KCNJ15: variants seen among roughly 807,000 people sequenced by gnomAD.
KCNJ15 encodes the protein potassium inwardly rectifying channel subfamily J member 15.
In KCNJ15, 14 loss-of-function variants were observed where a neutral mutation model predicts 23.0. The observed-to-expected ratio is 0.61, with a 90% CI of 0.40 to 0.95. KCNJ15 has a LOEUF of 0.95. Among genes scored for constraint, KCNJ15 ranks in the 40% least tolerant of loss-of-function variants. The pLI is 0.00. For missense variants in KCNJ15, 388 were observed against 461.8 expected (o/e 0.84, Z 1.46); for synonymous variants, 185 against 183.2 (o/e 1.01, Z -0.08).
At chr21:38,253,191 C>A (rs1391246308), upstream of KCNJ15, among the ~76,000 whole-genome samples, 1 of 152,226 alleles carries the variant, frequency 6.6e-6, no homozygotes, top group Non-Finnish European at 1.5e-5. Flanking sequence ...CCCCACACCA[C>A]TTTGGGTTCC....
rs1216303721 is a variant in KCNJ15 at position 38,288,039 on chromosome 21, T to G, written c.-116-8887T>G. Among the ~76,000 whole-genome samples, 93 of 83,452 alleles carry G rather than the reference T, an allele frequency of 1.1e-3. 1 individual carries two copies. The highest frequency in any genetic ancestry group is 3.5e-3 in the African/African-American group (87 of 24,722). 54.7% of individuals were successfully genotyped at this position (83,452 alleles called of 152,430 possible). A position where few individuals can be genotyped will look rare whatever the true frequency, so the allele number is the denominator to read the frequency against. On this transcript the variant is annotated intron_variant, in intron 1 of 2. Coordinates refer to ENST00000398938, the MANE Select transcript of KCNJ15 (RefSeq NM_170736.3). ...ACTTGTTTTTTTCTTTGTTTTTTTTTTTTTTTTTTTTTTTTTTTTGAGATG... is the reference window on the plus strand; with the variant it reads ...ACTTGTTTTTTTCTTTGTTTTTTTTGTTTTTTTTTTTTTTTTTTTGAGATG...
chr21:38,303,174 C>A lies in KCNJ15; in HGVS notation c.*2785C>A, dbSNP rs551456988. 1.3e-5 allele frequency: 2 copies of A among 151,708 alleles called. No homozygotes were observed. Among genetic ancestry groups the A allele is most frequent in the Admixed American group, 6.6e-5 (1 of 15,236 alleles). The allele number at this position is 151,708 out of a possible 1,614,324, so 9.4% of individuals were successfully genotyped here. A position where few individuals can be genotyped will look rare whatever the true frequency, so the allele number is the denominator to read the frequency against. On this transcript the variant is annotated 3_prime_UTR_variant, in exon 3 of 3. Coordinates refer to ENST00000398938, the MANE Select transcript of KCNJ15 (RefSeq NM_170736.3). ...GAACCTTAACTATTATTACTTTGTA[C>A]GTAATACTTTCATGTTACTATGCTA...
chr21:38,290,716 A>C (rs1984513120), intron 1 of KCNJ15, among the ~76,000 whole-genome samples: 1 of 152,090 alleles, frequency 6.6e-6, no homozygotes, highest in Admixed American at 6.5e-5. Flanking sequence ...CGGTTGGATG[A>C]GGGGAGAAGG....
upstream of KCNJ15, among the ~76,000 whole-genome samples, chr21:38,255,111 T>C (rs923080765): frequency 6.6e-6 from 1 of 152,098 alleles, no homozygotes; most frequent in African/African-American, 2.4e-5. Context: ...CTTCAGACAG[T>C]GATAAGTGAG....
At chr21:38,235,038 A>C (rs1248704628) in intron 1 of KCNJ15, among the ~76,000 whole-genome samples, 2 of 152,224 alleles carry the variant, frequency 1.3e-5, no homozygotes, top group East Asian at 1.9e-4. Flanking sequence ...GCTAAAATCA[A>C]GAAATACTGG....
intron 1 of KCNJ15, among the ~76,000 whole-genome samples, chr21:38,282,427 G>A (rs1044161506): frequency 1.4e-4 from 21 of 152,052 alleles, no homozygotes; most frequent in African/African-American, 4.4e-4. Context: ...AGTTTTTATC[G>A]GTTTTGTCAT....
At chr21:38,279,082 G>A (rs1047987932) in intron 1 of KCNJ15, among the ~76,000 whole-genome samples, 2 of 152,184 alleles carry the variant, frequency 1.3e-5, no homozygotes, top group Non-Finnish European at 2.9e-5. Flanking sequence ...CTAAACCAAC[G>A]CAGTGACAGT....
chr21:38,301,725 C>T lies in KCNJ15; in HGVS notation c.*1336C>T, dbSNP rs937229367. The stretch of plus-strand genomic sequence containing the variant: ...CCCTGCTATTTAAATAAAGCTCATA[C>T]CAAGAGGTAACATTTTGCCCCGGGC... On this transcript the variant is annotated 3_prime_UTR_variant, in exon 3 of 3. Transcript: ENST00000398938. The T allele has an allele frequency of 1.2e-5, 2 of 166,990 alleles. No homozygotes were observed. The highest frequency in any genetic ancestry group is 6.5e-5 in the Admixed American group (1 of 15,270). 10.3% of individuals were successfully genotyped at this position (166,990 alleles called of 1,614,324 possible). A position where few individuals can be genotyped will look rare whatever the true frequency, so the allele number is the denominator to read the frequency against.
At chr21:38,238,191 T>C in intron 1 of KCNJ15, 1 of 452,906 alleles carries the variant, frequency 2.2e-6, no homozygotes, top group Non-Finnish European at 4.2e-6. Context: ...GTTGGGAAGC[T>C]CTACCTTCTG....
At chr21:38,258,329 T>C (rs1980494562) in intron 1 of KCNJ15, among the ~76,000 whole-genome samples, 1 of 152,258 alleles carries the variant, frequency 6.6e-6, no homozygotes, top group South Asian at 2.1e-4. Flanking sequence ...TTAAATATCA[T>C]CATTTTGTGA....
rs1367150991 is a variant in KCNJ15 at position 38,306,541 on chromosome 21, T to C, written c.*6152T>C. On this transcript the variant is annotated 3_prime_UTR_variant, in exon 3 of 3. Transcript: ENST00000398938. ...TTTTTTCATTCACTGTAGTTTTAGC[T>C]GTATTCTTTCATCTGCAATCAAATC... is the stretch of plus-strand genomic sequence containing the variant. The C allele has an allele frequency of 2.0e-5, 3 of 152,202 alleles. No homozygotes were observed. Among genetic ancestry groups the C allele is most frequent in the East Asian group, 1.9e-4 (1 of 5,198 alleles). 9.4% of individuals were successfully genotyped at this position (152,202 alleles called of 1,614,324 possible).
At chr21:38,258,401 C>A (rs1980504763) in intron 1 of KCNJ15, among the ~76,000 whole-genome samples, 1 of 152,218 alleles carries the variant, frequency 6.6e-6, no homozygotes, top group African/African-American at 2.4e-5. Context: ...GCACTTACCT[C>A]ACACACAGCT....
intron 1 of KCNJ15, among the ~76,000 whole-genome samples, chr21:38,230,262 A>AT (rs2123529490): frequency 6.6e-6 from 1 of 152,176 alleles, no homozygotes; most frequent in African/African-American, 2.4e-5. Context: ...TTTGATTTGC[A>AT]TTTCCCTAGT....
At chr21:38,264,179 A>G (rs1375602364) in intron 1 of KCNJ15, among the ~76,000 whole-genome samples, 4 of 152,216 alleles carry the variant, frequency 2.6e-5, no homozygotes, top group Non-Finnish European at 4.4e-5. Flanking sequence ...GTATTTTACA[A>G]TTCTTTTGAA....
At chr21:38,236,788 T>C in intron 1 of KCNJ15, among the ~76,000 whole-genome samples, 1 of 152,226 alleles carries the variant, frequency 6.6e-6, no homozygotes, top group Non-Finnish European at 1.5e-5. Context: ...AGTATTATGT[T>C]TGTTGCCTGT....
chr21:38,285,527 G>A (rs1983793566), intron 1 of KCNJ15: 1 of 152,106 alleles, frequency 6.6e-6, no homozygotes. Context: ...TACTGCCTCT[G>A]AAGAATTGTT....
chr21:38,237,846 G>A (rs931035853), intron 1 of KCNJ15, among the ~76,000 whole-genome samples: 2 of 152,154 alleles, frequency 1.3e-5, no homozygotes, highest in South Asian at 4.1e-4. Flanking sequence ...GACACAGCAG[G>A]GCCCAGTGAG....
rs746624220 is a variant in KCNJ15, at chr21:38,300,066, C to A, written c.805C>A (p.Pro269Thr). Residue 269 changes from proline to threonine, a missense_variant, in exon 3 of 3, where the codon CCC becomes ACC. Pro to Thr is a conservative substitution (Grantham distance 38). Coordinates refer to ENST00000398938, the MANE Select transcript of KCNJ15 (RefSeq NM_170736.3). ...GACGAGCCCCCTGAGAGACCTCACA[C>A]CCCAAAACCTAAAGGAGAAGGAGTT... ...DETSPLRDLTPQNLKEKEFEL... is the reference protein window; with the variant it reads ...DETSPLRDLTTQNLKEKEFEL... 5.0e-6 allele frequency: 8 copies of A among 1,614,086 alleles called. No individual in the cohort carries two copies. In the Middle Eastern group the frequency reaches 1.2e-3, roughly 233 times the overall value.
At chr21:38,244,260 A>T (rs923994838) in intron 1 of KCNJ15, among the ~76,000 whole-genome samples, 1 of 152,082 alleles carries the variant, frequency 6.6e-6, no homozygotes, top group Non-Finnish European at 1.5e-5. Flanking sequence ...ACCAGATTTG[A>T]TGTGTTTTGT....
Sources: allele counts gnomAD v4.1 joint callset (sites outside exome capture counted in the v4.1 genomes callset), GRCh38; gene constraint gnomAD v4.1.1; transcripts MANE v1.5; gene names NCBI Gene and HGNC (gene_info 2026-07-23, HGNC 2026-07-21).